The following SMARCB1 variants were observed in gnomAD, a reference collection of about 807,000 sequenced individuals.
SMARCB1 encodes the protein SWI/SNF-related matrix-associated actin-dependent regulator of chromatin subfamily B member 1.
In SMARCB1, 5 loss-of-function variants were observed where a neutral mutation model predicts 49.0. The ratio of observed to expected loss-of-function variants is 0.10; its 90% CI spans 0.05 to 0.21. The LOEUF is 0.21. SMARCB1 is among the 10% of genes least tolerant of loss of function. The pLI is 1.00. For missense variants in SMARCB1, 226 were observed against 509.2 expected, an observed-to-expected ratio of 0.44 and a Z score of 5.35; for synonymous variants, 201 against 200.1, an observed-to-expected ratio of 1.00 and a Z score of -0.04.
chr22:23,825,466 T>G (rs546466028), intron 7 of SMARCB1, 51 bp downstream of exon 7: 7 of 1,522,952 alleles, frequency 4.6e-6, no homozygotes, highest in African/African-American at 1.4e-5. Flanking sequence ...CAAAACTGTT[T>G]TGAGAAAGAC....
At chr22:23,826,945 G>C (rs1194332009) in intron 7 of SMARCB1, among the ~76,000 whole-genome samples, 1 of 152,130 alleles carries the variant, frequency 6.6e-6, no homozygotes, top group African/African-American at 2.4e-5. Context: ...GAGGAGGCTG[G>C]GGGGCTGGTG....
chr22:23,825,580 T>A lies in SMARCB1; in HGVS notation c.986+165T>A. ...CCGTCCTCCTCCTGCCCTATGTATCTCTCCAGGGCTCCGCTGTGCCAGGTA... is the reference window on the plus strand; with the variant it reads ...CCGTCCTCCTCCTGCCCTATGTATCACTCCAGGGCTCCGCTGTGCCAGGTA... On this transcript the variant is annotated intron_variant, in intron 7 of 8. Transcript: ENST00000644036. 4 of 629,662 alleles carry A rather than the reference T, an allele frequency of 6.4e-6. No homozygotes were observed. In the South Asian group the frequency reaches 7.7e-5, roughly 12 times the overall value. 39.0% of individuals were successfully genotyped at this position (629,662 alleles called of 1,614,324 possible).
intron 6 of SMARCB1, chr22:23,818,383 T>C (rs9612454): frequency 0.12 from 18,688 of 151,002 alleles, 1,211 homozygotes; most frequent in South Asian, 0.27. Flanking sequence ...TCTCGATCTC[T>C]GGACCTCGTG....
At chr22:23,827,462 T>C (rs556476627) in intron 7 of SMARCB1, among the ~76,000 whole-genome samples, 1 of 152,296 alleles carries the variant, frequency 6.6e-6, no homozygotes, top group African/African-American at 2.4e-5. Flanking sequence ...TCCCTGGTGG[T>C]GGCAGGTCAG....
At chr22:23,808,304 G>A (rs911873635) in intron 5 of SMARCB1, among the ~76,000 whole-genome samples, 1 of 152,164 alleles carries the variant, frequency 6.6e-6, no homozygotes, top group Non-Finnish European at 1.5e-5. Context: ...GTATTTTTTA[G>A]TAGAGACAGG....
At chr22:23,829,011 G>T (rs753184171) in intron 7 of SMARCB1, among the ~76,000 whole-genome samples, 2 of 152,186 alleles carry the variant, frequency 1.3e-5, no homozygotes, top group African/African-American at 4.8e-5. Flanking sequence ...TGACACAGGC[G>T]TCCCAGAGCC....
At chr22:23,799,166 G>A (rs1336597982) in intron 3 of SMARCB1, among the ~76,000 whole-genome samples, 3 of 152,098 alleles carry the variant, frequency 2.0e-5, no homozygotes, top group African/African-American at 7.2e-5. Flanking sequence ...GTCGCTGCCT[G>A]CTCCTGCTCA....
intron 7 of SMARCB1, among the ~76,000 whole-genome samples, chr22:23,831,462 TGGAA>T (rs899347928): frequency 6.6e-6 from 1 of 152,100 alleles, no homozygotes; most frequent in African/African-American, 2.4e-5. Context: ...CAGAATTCCC[TGGAA>T]GGAATGGGGA....
chr22:23,814,398 G>A (rs1358923272), intron 5 of SMARCB1, among the ~76,000 whole-genome samples: 1 of 152,362 alleles, frequency 6.6e-6, no homozygotes, highest in Middle Eastern at 3.4e-3. Flanking sequence ...TGGCACAGTG[G>A]CTTACGTCTG....
chr22:23,795,876 C>T (rs1333073693), intron 3 of SMARCB1, among the ~76,000 whole-genome samples: 2 of 149,830 alleles, frequency 1.3e-5, no homozygotes, highest in African/African-American at 2.5e-5. Flanking sequence ...CTGCAACCTC[C>T]GCCTCCTGGG....
At chr22:23,822,957 C>CTTTTTTTTTTTTTTTT (rs58056758) in intron 6 of SMARCB1, among the ~76,000 whole-genome samples, 1 of 72,764 alleles carries the variant, frequency 1.4e-5, no homozygotes, top group African/African-American at 5.0e-5. Context: ...ACCAGCATAG[C>CTTTTTTTTTTTTTTTT]TTTTTTTTTT....
chr22:23,829,807 C>G (rs1454124257), intron 7 of SMARCB1, among the ~76,000 whole-genome samples: 1 of 152,230 alleles, frequency 6.6e-6, no homozygotes. Context: ...CCACTGCAGG[C>G]AGTCCCGTTC....
intron 1 of SMARCB1, 46 bp downstream of exon 1, chr22:23,787,308 G>C: frequency 8.0e-7 from 1 of 1,251,372 alleles, no homozygotes; most frequent in Non-Finnish European, 1.2e-6. Flanking sequence ...GGCCCCGCGG[G>C]AGCCCCGGGG....
At chr22:23,800,617 A>T (rs1929079737) in intron 3 of SMARCB1, among the ~76,000 whole-genome samples, 1 of 151,944 alleles carries the variant, frequency 6.6e-6, no homozygotes, top group African/African-American at 2.4e-5. Context: ...GTGCTCTATT[A>T]TCCACTCCTC....
chr22:23,810,250 G>A (rs1306450195), intron 5 of SMARCB1, among the ~76,000 whole-genome samples: 5 of 151,056 alleles, frequency 3.3e-5, no homozygotes, highest in African/African-American at 1.2e-4. Flanking sequence ...AATGATTGCC[G>A]GCATGGTGGC....
At chr22:23,802,916 A>T in intron 4 of SMARCB1, 1 of 365,072 alleles carries the variant, frequency 2.7e-6, no homozygotes, top group South Asian at 2.2e-5. Flanking sequence ...CAGTTCCTCC[A>T]TTCACCTGCC....
Position 23,828,482 on chromosome 22 carries a change from C to T in SMARCB1, c.986+3067C>T, listed in dbSNP as rs552548587. 1.4e-4 allele frequency among the ~76,000 whole-genome samples: 22 copies of T among 152,144 alleles called. No homozygotes were observed. In the East Asian group the frequency reaches 2.9e-3, roughly 20 times the overall value. On this transcript the variant is annotated intron_variant, in intron 7 of 8. Transcript: ENST00000644036. ...GAGACAGGCCAACATGGCAAAACCC[C>T]GTCTCTACTAGAAGTAGAAAAATTA...
chr22:23,787,364 C>G (rs1458932358), intron 1 of SMARCB1, 102 bp downstream of exon 1: 13 of 503,378 alleles, frequency 2.6e-5, no homozygotes, highest in African/African-American at 8.1e-5. Context: ...TCGGGGCGGG[C>G]GGGCGCGCGC....
At position 23,825,073 on chromosome 22, in the gene SMARCB1, G is replaced by A; in HGVS notation, c.796-152G>A. On this transcript the variant is annotated intron_variant, in intron 6 of 8. Coordinates refer to ENST00000644036, the MANE Select transcript of SMARCB1 (RefSeq NM_003073.5). The stretch of plus-strand genomic sequence containing the variant: ...GGTTGTGGGGTCAGCCTTGTTTTGG[G>A]GATGGGGAACTGGAAGGACAAGGAC... 5.8e-6 allele frequency: 4 copies of A among 686,170 alleles called. 1 individual carries two copies. In the South Asian group the frequency reaches 6.3e-5, roughly 11 times the overall value. 42.5% of individuals were successfully genotyped at this position (686,170 alleles called of 1,614,324 possible). A position where few individuals can be genotyped will look rare whatever the true frequency, so the allele number is the denominator to read the frequency against.
Sources: gnomAD v4.1 joint callset for allele counts (sites outside exome capture counted in the v4.1 genomes callset) on GRCh38, gnomAD v4.1.1 for gene constraint, MANE v1.5 for transcripts, NCBI Gene and HGNC (gene_info 2026-07-23, HGNC 2026-07-21) for gene names.